The following GDPGP1 variants were observed in gnomAD, a reference collection of about 807,000 sequenced individuals.
GDPGP1 encodes GDP-D-glucose phosphorylase 1, also known as GDP-D-glucose phosphorylase C15orf58.
Under a neutral mutation model 19.2 loss-of-function variants are expected in GDPGP1, and 18 were observed. That is an observed-to-expected ratio of 0.94 (90% CI 0.65 to 1.39). The LOEUF (loss-of-function observed/expected upper bound fraction) is 1.39. Ranked by LOEUF, GDPGP1 falls within the 40% of genes most tolerant of loss-of-function variation. The probability of loss-of-function intolerance (pLI) is 0.00; values close to 1 mark genes in which losing one functional copy is unlikely to be tolerated. For synonymous variants in GDPGP1, 219 were observed against 208.9 expected, an observed-to-expected ratio of 1.05 and a Z score of -0.42; for missense variants, 449 against 490.5, an observed-to-expected ratio of 0.92 and a Z score of 0.80.
rs1311781540 is a variant in GDPGP1 at position 90,245,027 on chromosome 15, T to C, written c.*2961T>C. 1 of 152,286 alleles carries C rather than the reference T, an allele frequency of 6.6e-6. No homozygotes were observed. Among genetic ancestry groups the C allele is most frequent in the East Asian group, 1.9e-4 (1 of 5,198 alleles). The allele number at this position is 152,286 out of a possible 1,614,324, so 9.4% of individuals were successfully genotyped here. ...TCTCTGCCTCCCAAACTGTGGGTCC[T>C]AGCCCTGGCTTAGGCCTTCAGGTCG... On this transcript the variant is annotated 3_prime_UTR_variant, in exon 4 of 4. Coordinates refer to ENST00000329600, the MANE Select transcript of GDPGP1 (RefSeq NM_001013657.3).
At chr15:90,236,930 A>T (rs80136852) in intron 2 of GDPGP1, among the ~76,000 whole-genome samples, 3,668 of 151,854 alleles carry the variant, frequency 0.024, 143 homozygotes, top group African/African-American at 0.08. Context: ...TACAGTGATA[A>T]AACCGAGCTG....
rs1232312378 is a variant in GDPGP1, at chr15:90,241,954, G to A, written c.1046G>A (p.Ser349Asn). ...LPVKTSQDFS[S>N]LTEAAAVALI... Reference sequence around the variant, plus strand: ...GTCAAAACATCCCAGGACTTCAGCAGCCTGACAGAGGCAGCTGCTGTGGCC... The same window carrying A: ...GTCAAAACATCCCAGGACTTCAGCAACCTGACAGAGGCAGCTGCTGTGGCC... Residue 349 changes from serine to asparagine, a missense_variant, in exon 4 of 4, where the codon AGC (serine) becomes AAC (asparagine). Coordinates refer to ENST00000329600, the MANE Select transcript of GDPGP1 (RefSeq NM_001013657.3). 2.5e-6 allele frequency: 4 copies of A among 1,614,184 alleles called. No individual in the cohort carries two copies. The highest frequency in any genetic ancestry group is 3.4e-6 in the Non-Finnish European group (4 of 1,180,034).
In GDPGP1 at chr15:90,241,117, G is replaced by C. The variant is rs778156014; in HGVS notation, c.209G>C (p.Arg70Pro). Reference protein sequence around the residue: ...DAALCSAWKQRVELGLFRYRL... With the variant: ...DAALCSAWKQPVELGLFRYRL... Reference sequence around the variant, plus strand: ...GCACTCTGCTCTGCCTGGAAGCAGCGGGTGGAGCTGGGGCTGTTTCGCTAC... The same window carrying C: ...GCACTCTGCTCTGCCTGGAAGCAGCCGGTGGAGCTGGGGCTGTTTCGCTAC... The change falls in exon 4 of 4, where the codon CGG becomes CCG. Residue 70 changes from arginine to proline, a missense_variant. Coordinates refer to ENST00000329600, the MANE Select transcript of GDPGP1 (RefSeq NM_001013657.3). 1.8e-5 allele frequency: 29 copies of C among 1,614,140 alleles called. No individual in the cohort carries two copies. The highest frequency in any genetic ancestry group is 2.5e-5 in the Non-Finnish European group (29 of 1,180,002).
Position 90,241,438 on chromosome 15 carries a change from T to A in GDPGP1, c.530T>A (p.Leu177His). The A allele has an allele frequency of 6.2e-7, 1 of 1,613,456 alleles. No homozygotes were observed. Among genetic ancestry groups the A allele is most frequent in the Non-Finnish European group, 8.5e-7 (1 of 1,179,996 alleles). Residue 177 changes from leucine to histidine, a missense_variant, in exon 4 of 4, where the codon CTC becomes CAC. Transcript: ENST00000329600. ...CTGGTGCCTGAGCCTGCCCGCCAGC[T>A]CCCCCAGCGCCTGCTGCCGGGTGCA... The part of the protein sequence containing the change: ...VLLVPEPARQ[L>H]PQRLLPGALR...
chr15:90,234,791 C>T (rs942202841), intron 2 of GDPGP1, among the ~76,000 whole-genome samples, 195 bp downstream of exon 2: 4 of 152,202 alleles, frequency 2.6e-5, no homozygotes, highest in Non-Finnish European at 5.9e-5. Context: ...ACCCTTTGCT[C>T]TTGTCCCCTC....
chr15:90,243,900 A>G lies in GDPGP1; in HGVS notation c.*1834A>G, dbSNP rs895981968. 1 of 151,034 alleles carries G rather than the reference A, an allele frequency of 6.6e-6. No individual in the cohort carries two copies. Among genetic ancestry groups the G allele is most frequent in the African/African-American group, 2.4e-5 (1 of 40,896 alleles). The allele number at this position is 151,034 out of a possible 1,614,324, so 9.4% of individuals were successfully genotyped here. A position where few individuals can be genotyped will look rare whatever the true frequency, so the allele number is the denominator to read the frequency against. On this transcript the variant is annotated 3_prime_UTR_variant, in exon 4 of 4. Coordinates refer to ENST00000329600, the MANE Select transcript of GDPGP1 (RefSeq NM_001013657.3). Reference sequence around the variant, plus strand: ...CAAGATCCTCCCACCTCAGCCTCCCAAAGTGCTGAGATTATAGGCATGAGC... The same window carrying G: ...CAAGATCCTCCCACCTCAGCCTCCCGAAGTGCTGAGATTATAGGCATGAGC...
chr15:90,240,894 T>G lies in GDPGP1; in HGVS notation c.-9-6T>G, dbSNP rs1962738333. 1 of 1,590,114 alleles carries G rather than the reference T, an allele frequency of 6.3e-7. No homozygotes were observed. The highest frequency in any genetic ancestry group is 1.1e-5 in the South Asian group (1 of 90,264). On this transcript the variant is annotated splice_region_variant and splice_polypyrimidine_tract_variant and intron_variant, in intron 3 of 3. Coordinates refer to ENST00000329600, the MANE Select transcript of GDPGP1 (RefSeq NM_001013657.3). Reference sequence around the variant, plus strand: ...CATGTGTTTTCATCTTTTATGACTATTTCAGGTCAGCTCTATGGCTCTTCC... The same window carrying G: ...CATGTGTTTTCATCTTTTATGACTAGTTCAGGTCAGCTCTATGGCTCTTCC...
rs1407703319 is a variant in GDPGP1 at position 90,241,046 on chromosome 15, T to C, written c.138T>C (p.Asn46=). 2 of 1,614,030 alleles carry C rather than the reference T, an allele frequency of 1.2e-6. No individual in the cohort carries two copies. The highest frequency in any genetic ancestry group is 2.2e-5 in the East Asian group (1 of 44,900). ...CAGAAGGGATTCAGTGGCCAAGGAATGCACCTGGCATCCCAGATGCTCTGC... is the reference window on the plus strand; with the variant it reads ...CAGAAGGGATTCAGTGGCCAAGGAACGCACCTGGCATCCCAGATGCTCTGC... The part of the protein sequence containing the change: ...LMAEGIQWPR[N]APGIPDALPQ... Residue 46 remains asparagine (N), a synonymous_variant, in exon 4 of 4, where the codon AAT becomes AAC. Transcript: ENST00000329600.
In GDPGP1 at chr15:90,241,222, AGAG is replaced by A; in HGVS notation, c.319_321del (p.Arg107del). 1 of 1,614,094 alleles carries A rather than the reference AGAG, an allele frequency of 6.2e-7. No individual in the cohort carries two copies. The highest frequency in any genetic ancestry group is 2.2e-5 in the East Asian group (1 of 44,878). On this transcript the variant is annotated inframe_deletion, in exon 4 of 4. Coordinates refer to ENST00000329600, the MANE Select transcript of GDPGP1 (RefSeq NM_001013657.3). ...CAGCTGAATGTGGAGCGTGGTGTGC[AGAG>A]GAGGCCCCCGCAGACCATCAAGAGT...
chr15:90,234,449 G>C (rs1962589258), intron 1 of GDPGP1, 73 bp from the exon 2 acceptor site: 1 of 152,350 alleles, frequency 6.6e-6, no homozygotes, highest in Non-Finnish European at 1.5e-5. Context: ...GTTATCATCA[G>C]GCAATCGCTG....
In GDPGP1 at chr15:90,240,959, CAAT is replaced by C; in HGVS notation, c.52_54del (p.Asn18del). On this transcript the variant is annotated inframe_deletion, in exon 4 of 4. Transcript: ENST00000329600. ...AAACTTCCTATTTGCTGCCTCCCAA[CAAT>C]GAGGACTGGGGCAGGCAAACCATTC... The C allele has an allele frequency of 2.5e-6, 4 of 1,614,056 alleles. No individual in the cohort carries two copies. Among genetic ancestry groups the C allele is most frequent in the Admixed American group, 1.7e-5 (1 of 60,020 alleles).
At position 90,241,030 on chromosome 15, in the gene GDPGP1, T is replaced by C; in HGVS notation, c.122T>C (p.Ile41Thr). The change falls in exon 4 of 4, where the codon ATT (isoleucine) becomes ACT (threonine). Residue 41 changes from isoleucine (I) to threonine (T), a missense_variant. By Grantham distance (89) the Ile-to-Thr change is moderately conservative. Transcript: ENST00000329600. ...CAGAAGGATCTCATGGCAGAAGGGA[T>C]TCAGTGGCCAAGGAATGCACCTGGC... Reference protein sequence around the residue: ...YGQKDLMAEGIQWPRNAPGIP... With the variant: ...YGQKDLMAEGTQWPRNAPGIP... 6.2e-7 allele frequency: 1 copy of C among 1,614,126 alleles called. No homozygotes were observed. The highest frequency in any genetic ancestry group is 8.5e-7 in the Non-Finnish European group (1 of 1,180,008).
Position 90,241,364 on chromosome 15 carries a change from C to T in GDPGP1, c.456C>T (p.Asp152=), listed in dbSNP as rs1482028448. ...PDLPGTLLQE[D]ILVVINVSPL... The stretch of plus-strand genomic sequence containing the variant: ...TCCCTGGGACTCTGCTGCAAGAAGA[C>T]ATCCTGGTGGTGATCAACGTCAGCC... Residue 152 remains aspartate, a synonymous_variant, in exon 4 of 4, where the codon GAC becomes GAT. Coordinates refer to ENST00000329600, the MANE Select transcript of GDPGP1 (RefSeq NM_001013657.3). 1 of 1,614,200 alleles carries T rather than the reference C, an allele frequency of 6.2e-7. No individual in the cohort carries two copies. Among genetic ancestry groups the T allele is most frequent in the Admixed American group, 1.7e-5 (1 of 60,026 alleles).
At chr15:90,239,535 A>G (rs944924618) in intron 3 of GDPGP1, among the ~76,000 whole-genome samples, 3 of 152,148 alleles carry the variant, frequency 2.0e-5, no homozygotes, top group African/African-American at 7.2e-5. Context: ...AGAGGGAGGT[A>G]AAGCCTCTTA....
chr15:90,235,258 C>G (rs1962607913), intron 2 of GDPGP1, among the ~76,000 whole-genome samples: 1 of 152,150 alleles, frequency 6.6e-6, no homozygotes, highest in Non-Finnish European at 1.5e-5. Flanking sequence ...TTAACAGGTA[C>G]ATTCCATCAT....
At chr15:90,236,708 A>T (rs1555425592) in intron 2 of GDPGP1, among the ~76,000 whole-genome samples, 1 of 147,358 alleles carries the variant, frequency 6.8e-6, no homozygotes, top group Non-Finnish European at 1.5e-5. Flanking sequence ...TAATTTTTGT[A>T]TTTTTTTTTA....
intron 3 of GDPGP1, among the ~76,000 whole-genome samples, chr15:90,240,221 A>C (rs1962723203): frequency 7.1e-6 from 1 of 140,728 alleles, no homozygotes. Flanking sequence ...ATAAATAAAT[A>C]AATAGGCCAG....
chr15:90,240,992 CTT>C lies in GDPGP1; in HGVS notation c.86_87del (p.Phe29CysfsTer31). The C allele has an allele frequency of 2.5e-6, 4 of 1,614,060 alleles. No individual in the cohort carries two copies. Among genetic ancestry groups the C allele is most frequent in the Non-Finnish European group, 3.4e-6 (4 of 1,179,968 alleles). On this transcript the variant is annotated frameshift_variant, in exon 4 of 4. Coordinates refer to ENST00000329600, the MANE Select transcript of GDPGP1 (RefSeq NM_001013657.3). LOFTEE classifies it high-confidence loss of function. ...ACTGGGGCAGGCAAACCATTCCTGA[CTT>C]TGTTTATGGGCAGAAGGATCTCATG... Reference protein sequence around the residue: ...EDWGRQTIPDFVYGQKDLMAE... With the variant: ...EDWGRQTIPDXVYGQKDLMAE...
intron 3 of GDPGP1, among the ~76,000 whole-genome samples, chr15:90,240,353 C>T (rs1962725605): frequency 6.7e-6 from 1 of 149,870 alleles, no homozygotes; most frequent in Admixed American, 6.7e-5. Context: ...ACTAAAAATA[C>T]AAAAATTAGC....
Sources: gnomAD v4.1 joint callset for allele counts (sites outside exome capture counted in the v4.1 genomes callset) on GRCh38, gnomAD v4.1.1 for gene constraint, MANE v1.5 for transcripts, NCBI Gene and HGNC (gene_info 2026-07-23, HGNC 2026-07-21) for gene names.